ZDHHC17: variants seen among roughly 807,000 people sequenced by gnomAD.
ZDHHC17 encodes the protein zDHHC palmitoyltransferase 17.
A neutral mutation model predicts 90.3 loss-of-function variants in ZDHHC17; 40 were observed. The ratio of observed to expected loss-of-function variants is 0.44; its 90% CI spans 0.34 to 0.58. The LOEUF is 0.58. ZDHHC17 is among the 20% of genes least tolerant of loss of function. The pLI is 0.01. For missense variants in ZDHHC17, 614 were observed against 780.8 expected, an observed-to-expected ratio of 0.79 and a Z score of 2.55; for synonymous variants, 235 against 252.4, an observed-to-expected ratio of 0.93 and a Z score of 0.65.
At chr12:76,815,820 G>C in intron 6 of ZDHHC17, 37 bp from the exon 7 acceptor site, 1 of 1,440,722 alleles carries the variant, frequency 6.9e-7, no homozygotes, top group South Asian at 1.5e-5. Flanking sequence ...AATTAGGGTT[G>C]TTGTTGTTGT....
At chr12:76,772,590 A>G (rs1054464321) in intron 1 of ZDHHC17, among the ~76,000 whole-genome samples, 1 of 139,180 alleles carries the variant, frequency 7.2e-6, no homozygotes, top group Non-Finnish European at 1.5e-5. Context: ...GCTGGAGTGC[A>G]GTGATACAAT....
intron 3 of ZDHHC17, among the ~76,000 whole-genome samples, chr12:76,807,670 T>G (rs1186844203): frequency 1.3e-5 from 2 of 152,176 alleles, no homozygotes; most frequent in African/African-American, 4.8e-5. Flanking sequence ...AAAAAAAAGT[T>G]GTGCTTTAGA....
At chr12:76,789,794 A>C (rs1421934936) in intron 1 of ZDHHC17, among the ~76,000 whole-genome samples, 1 of 152,186 alleles carries the variant, frequency 6.6e-6, no homozygotes. Flanking sequence ...CGTCAAAGAA[A>C]TCCCAGTTGA....
chr12:76,822,532 G>A lies in ZDHHC17; in HGVS notation c.897+1G>A. 1 of 1,538,648 alleles carries A rather than the reference G, an allele frequency of 6.5e-7. No homozygotes were observed. Among genetic ancestry groups the A allele is most frequent in the Admixed American group, 1.9e-5 (1 of 52,884 alleles). ...CCTTAGAAAGCTGAAAGCTGATAAG[G>A]TAAACTCATAACTGAAGATTTTTTT... On this transcript the variant is annotated splice_donor_variant, in intron 8 of 16. Transcript: ENST00000426126. LOFTEE classifies it high-confidence loss of function.
At chr12:76,797,830 G>A (rs1291595597) in intron 2 of ZDHHC17, among the ~76,000 whole-genome samples, 1 of 151,982 alleles carries the variant, frequency 6.6e-6, no homozygotes, top group African/African-American at 2.4e-5. Context: ...TATAATCCCA[G>A]CTATTTGGGA....
Position 76,764,147 on chromosome 12 carries a change from C to G in ZDHHC17, c.-90C>G. On this transcript the variant is annotated 5_prime_UTR_variant, in exon 1 of 17. Transcript: ENST00000426126. ...GGGCAGGAGAAGAAGGAGGAGGAGG[C>G]CCGCGTCGCCTCCGGCGGGGCTCGC... 9.7e-7 allele frequency: 1 copy of G among 1,033,468 alleles called. No homozygotes were observed. Among genetic ancestry groups the G allele is most frequent in the Non-Finnish European group, 1.4e-6 (1 of 716,110 alleles). The allele number at this position is 1,033,468 out of a possible 1,614,324, so 64.0% of individuals were successfully genotyped here.
chr12:76,827,755 G>T (rs959642269), intron 9 of ZDHHC17, among the ~76,000 whole-genome samples: 1 of 152,056 alleles, frequency 6.6e-6, no homozygotes. Context: ...AATCTAGTTA[G>T]TGAATCTCAT....
chr12:76,770,524 G>A (rs532271494), intron 1 of ZDHHC17, among the ~76,000 whole-genome samples: 2 of 152,298 alleles, frequency 1.3e-5, no homozygotes, highest in South Asian at 4.1e-4. Flanking sequence ...ATAGATGAGG[G>A]AGAGTGTGTC....
chr12:76,846,727 T>G, intron 14 of ZDHHC17, 48 bp downstream of exon 14: 4 of 1,452,798 alleles, frequency 2.8e-6, no homozygotes, highest in Non-Finnish European at 3.8e-6. Context: ...TTCTGCATAC[T>G]TAGATTATAC....
intron 7 of ZDHHC17, among the ~76,000 whole-genome samples, chr12:76,818,463 GA>G (rs892017977): frequency 2.0e-5 from 3 of 152,296 alleles, no homozygotes; most frequent in African/African-American, 7.2e-5. Flanking sequence ...TTCTGTTGAG[GA>G]AACAGCCAGT....
At chr12:76,794,700 T>A (rs1952798900) in intron 1 of ZDHHC17, among the ~76,000 whole-genome samples, 1 of 152,100 alleles carries the variant, frequency 6.6e-6, no homozygotes, top group Non-Finnish European at 1.5e-5. Context: ...AAGTCTAATT[T>A]CCAGTAACAT....
At chr12:76,769,447 A>G (rs916627002) in intron 1 of ZDHHC17, among the ~76,000 whole-genome samples, 25 of 152,282 alleles carry the variant, frequency 1.6e-4, no homozygotes, top group African/African-American at 5.5e-4. Flanking sequence ...GTGTGTATAT[A>G]TATGTATTTG....
intron 15 of ZDHHC17, among the ~76,000 whole-genome samples, chr12:76,849,118 T>TAAA (rs1035048447): frequency 4.1e-5 from 2 of 48,434 alleles, no homozygotes; most frequent in South Asian, 7.1e-4. Context: ...ACCCTATCTC[T>TAAA]AAAAAAAAAA....
chr12:76,798,792 T>G (rs1374405197), intron 2 of ZDHHC17, among the ~76,000 whole-genome samples: 6 of 150,754 alleles, frequency 4.0e-5, no homozygotes, highest in Admixed American at 4.0e-4. Context: ...GAAGAGAGAG[T>G]GGGGAGGAGG....
chr12:76,784,749 G>A (rs1470549636), intron 1 of ZDHHC17, among the ~76,000 whole-genome samples: 2 of 152,180 alleles, frequency 1.3e-5, no homozygotes, highest in African/African-American at 4.8e-5. Flanking sequence ...AGATCCTGAA[G>A]CATTTATTTG....
At chr12:76,807,343 C>T (rs2137759105) in intron 3 of ZDHHC17, among the ~76,000 whole-genome samples, 1 of 152,282 alleles carries the variant, frequency 6.6e-6, no homozygotes, top group Middle Eastern at 3.4e-3. Flanking sequence ...TGACTTTCAA[C>T]CATTGTTTCT....
chr12:76,825,586 T>G (rs1290900061), intron 8 of ZDHHC17, among the ~76,000 whole-genome samples: 4 of 152,116 alleles, frequency 2.6e-5, no homozygotes, highest in Non-Finnish European at 5.9e-5. Context: ...AGCCTGAAAT[T>G]GATGTTTAAT....
In ZDHHC17 at chr12:76,848,238, G is replaced by A; in HGVS notation, c.1513G>A (p.Gly505Arg). 6.2e-7 allele frequency: 1 copy of A among 1,613,810 alleles called. No individual in the cohort carries two copies. The highest frequency in any genetic ancestry group is 8.5e-7 in the Non-Finnish European group (1 of 1,179,796). ...WMIYGCISYW[G>R]LHCETTYTKD... ...TACTTCTGTTCTGGCTTTAGACTGG[G>A]GACTCCACTGTGAGACCACTTACAC... is the stretch of plus-strand genomic sequence containing the variant. Residue 505 changes from glycine (G) to arginine (R), a missense_variant, in exon 15 of 17, where the codon GGA becomes AGA. This residue lies in a region of ZDHHC17 where 111 missense variants were observed against 179.8 expected (regional missense o/e 0.62). Transcript: ENST00000426126.
intron 2 of ZDHHC17, among the ~76,000 whole-genome samples, chr12:76,803,965 T>C (rs1162821025): frequency 2.0e-5 from 3 of 152,128 alleles, no homozygotes; most frequent in African/African-American, 7.2e-5. Flanking sequence ...CTAGACATGA[T>C]ACTAGCAGAA....
Sources: gnomAD v4.1 joint callset for allele counts (sites outside exome capture counted in the v4.1 genomes callset) on GRCh38, gnomAD v4.1.1 for gene constraint, gnomAD v4.1.1 regional missense constraint, MANE v1.5 for transcripts, NCBI Gene and HGNC (gene_info 2026-07-23, HGNC 2026-07-21) for gene names.